UBQLN2: variants seen among roughly 807,000 people sequenced by gnomAD.
UBQLN2 encodes ubiquilin-2.
A neutral mutation model predicts 22.2 loss-of-function variants in UBQLN2; 2 were observed. The observed-to-expected ratio is 0.09, with a 90% confidence interval of 0.04 to 0.28. The LOEUF (loss-of-function observed/expected upper bound fraction) is 0.28. UBQLN2 is among the 10% of genes least tolerant of loss of function. UBQLN2 has a pLI of 1.00. For missense variants in UBQLN2, 446 were observed against 505.1 expected (o/e 0.88, Z 1.12); for synonymous variants, 252 against 206.7 (o/e 1.22, Z -1.88).
In UBQLN2 at chrX:56,565,974, C is replaced by G. The variant is rs1378539741; in HGVS notation, c.*226C>G. ...CTACCTTCCCTTCCTCTTGTCTCCC[C>G]ACTCCCTCCCTCTTTGTTTCCTTCC... On this transcript the variant is annotated 3_prime_UTR_variant, in exon 1 of 1. Coordinates refer to ENST00000338222, the MANE Select transcript of UBQLN2 (RefSeq NM_013444.4). 2.3e-6 allele frequency: 1 copy of G among 443,921 alleles called. No homozygotes were observed. Among genetic ancestry groups the G allele is most frequent in the Admixed American group, 4.1e-5 (1 of 24,668 alleles). 36.6% of individuals were successfully genotyped at this position (443,921 alleles called of 1,213,427 possible).
In UBQLN2 at chrX:56,564,706, C is replaced by T; in HGVS notation, c.833C>T (p.Pro278Leu). The change falls in exon 1 of 1, where the codon CCG becomes CTG. Residue 278 changes from proline (P) to leucine (L), a missense_variant. Coordinates refer to ENST00000338222, the MANE Select transcript of UBQLN2 (RefSeq NM_013444.4). Reference sequence around the variant, plus strand: ...CGCATGTACACTGACATTCAAGAGCCGATGCTGAATGCCGCACAAGAGCAG... The same window carrying T: ...CGCATGTACACTGACATTCAAGAGCTGATGCTGAATGCCGCACAAGAGCAG... ...LRRMYTDIQE[P>L]MLNAAQEQFG... The T allele has an allele frequency of 8.3e-7, 1 of 1,211,422 alleles. No individual in the cohort carries two copies. The highest frequency in any genetic ancestry group is 1.8e-5 in the South Asian group (1 of 56,929).
At position 56,564,876 on chromosome X, in the gene UBQLN2, A is replaced by G; in HGVS notation, c.1003A>G (p.Thr335Ala). ...CCAGAGTTCTGCAACTACCAGCACG[A>G]CCACAAGCACTGGTAGTGGGTCTGG... is the stretch of plus-strand genomic sequence containing the variant. ...ATQSSATTST[T>A]TSTGSGSGNS... Residue 335 changes from threonine (T) to alanine (A), a missense_variant, in exon 1 of 1, where the codon ACC (threonine) becomes GCC (alanine). Thr to Ala is a moderately conservative substitution (Grantham distance 58, BLOSUM62 0). Transcript: ENST00000338222. 1 of 1,211,084 alleles carries G rather than the reference A, an allele frequency of 8.3e-7. No homozygotes were observed. Among genetic ancestry groups the G allele is most frequent in the Admixed American group, 2.2e-5 (1 of 46,007 alleles).
rs1382898548 is a variant in UBQLN2, at chrX:56,566,117, T to C, written c.*369T>C. The stretch of plus-strand genomic sequence containing the variant: ...TTTATTCTGCATTTATTGTGATTTT[T>C]GGAAACAGGTATCAACCTTCACAGT... On this transcript the variant is annotated 3_prime_UTR_variant, in exon 1 of 1. Coordinates refer to ENST00000338222, the MANE Select transcript of UBQLN2 (RefSeq NM_013444.4). The C allele has an allele frequency of 4.1e-6, 1 of 243,546 alleles. No individual in the cohort carries two copies. The highest frequency in any genetic ancestry group is 6.5e-5 in the Admixed American group (1 of 15,391). The allele number at this position is 243,546 out of a possible 1,213,427, so 20.1% of individuals were successfully genotyped here.
rs768464567 is a variant in UBQLN2, at chrX:56,564,837, C to T, written c.964C>T (p.Pro322Ser). The T allele has an allele frequency of 7.4e-6, 9 of 1,211,352 alleles. No homozygotes were observed. The Admixed American group carries it at 1.7e-4, about 23-fold the overall frequency. The change falls in exon 1 of 1, where the codon CCA becomes TCA. Residue 322 changes from proline to serine, a missense_variant. Physicochemically the swap from Pro to Ser is moderately conservative, Grantham distance 74. Around this residue, in one of 3 missense-constraint regions of UBQLN2, gnomAD observed 278 missense variants for 279.4 expected, o/e 1.00. Coordinates refer to ENST00000338222, the MANE Select transcript of UBQLN2 (RefSeq NM_013444.4). The part of the protein sequence containing the change: ...NRDPLPNPWA[P>S]PPATQSSATT... ...CGATCCACTACCCAATCCATGGGCA[C>T]CACCGCCAGCTACCCAGAGTTCTGC...
chrX:56,565,478 G>A lies in UBQLN2; in HGVS notation c.1605G>A (p.Gly535=), dbSNP rs1008840560. Residue 535 remains glycine (G), a synonymous_variant, in exon 1 of 1, where the codon GGG becomes GGA. Transcript: ENST00000338222. ...CCACCGGCTCTGGTGGCCCCACGGG[G>A]CCTACTGTGTCCAGCGCTGCACCTA... ...PGSTGSGGPT[G]PTVSSAAPSE... 2 of 1,201,531 alleles carry A rather than the reference G, an allele frequency of 1.7e-6. No homozygotes were observed. Among genetic ancestry groups the A allele is most frequent in the African/African-American group, 3.5e-5 (2 of 57,209 alleles).
In UBQLN2 at chrX:56,565,797, C is replaced by A. The variant is rs1241279735; in HGVS notation, c.*49C>A. 5.8e-5 allele frequency: 61 copies of A among 1,056,618 alleles called. No individual in the cohort carries two copies. Among genetic ancestry groups the A allele is most frequent in the Non-Finnish European group, 7.9e-5 (61 of 771,472 alleles). The allele number at this position is 1,056,618 out of a possible 1,213,427, so 87.1% of individuals were successfully genotyped here. A position where few individuals can be genotyped will look rare whatever the true frequency, so the allele number is the denominator to read the frequency against. The stretch of plus-strand genomic sequence containing the variant: ...AAATGTATCTTATTTTTGATAATGG[C>A]TCTTAAATCTTTAAACACACACACA... On this transcript the variant is annotated 3_prime_UTR_variant, in exon 1 of 1. Coordinates refer to ENST00000338222, the MANE Select transcript of UBQLN2 (RefSeq NM_013444.4).
Position 56,565,612 on chromosome X carries a change from T to A in UBQLN2, c.1739T>A (p.Val580Asp). 2 of 1,211,899 alleles carry A rather than the reference T, an allele frequency of 1.7e-6. No individual in the cohort carries two copies. Among genetic ancestry groups the A allele is most frequent in the Non-Finnish European group, 2.2e-6 (2 of 895,527 alleles). ...GCTCCACAGCTGCCGAATCCAGAAG[T>A]CAGATTTCAGCAACAACTGGAACAG... is the stretch of plus-strand genomic sequence containing the variant. ...ANAPQLPNPE[V>D]RFQQQLEQLN... is the part of the protein sequence containing the mutation. The change falls in exon 1 of 1, where the codon GTC becomes GAC. Residue 580 changes from valine to aspartate, a missense_variant. Physicochemically the swap from Val to Asp is radical, Grantham distance 152. Coordinates refer to ENST00000338222, the MANE Select transcript of UBQLN2 (RefSeq NM_013444.4).
chrX:56,564,538 G>A lies in UBQLN2; in HGVS notation c.665G>A (p.Ser222Asn). 2 of 1,211,880 alleles carry A rather than the reference G, an allele frequency of 1.7e-6. No individual in the cohort carries two copies. The highest frequency in any genetic ancestry group is 2.2e-6 in the Non-Finnish European group (2 of 895,549). Residue 222 changes from serine (S) to asparagine (N), a missense_variant, in exon 1 of 1, where the codon AGT becomes AAT. Around this residue, in one of 3 missense-constraint regions of UBQLN2, gnomAD observed 129 missense variants for 198.1 expected, o/e 0.65. Coordinates refer to ENST00000338222, the MANE Select transcript of UBQLN2 (RefSeq NM_013444.4). ...QQLIQRNPEI[S>N]HLLNNPDIMR... ...TTGATTCAGAGAAACCCAGAAATCA[G>A]TCACCTGCTCAACAACCCAGACATA...
rs775787482 is a variant in UBQLN2, at chrX:56,565,776, GTA to G, written c.*30_*31del. The G allele has an allele frequency of 3.5e-6, 4 of 1,148,287 alleles. No individual in the cohort carries two copies. Among genetic ancestry groups the G allele is most frequent in the South Asian group, 1.9e-5 (1 of 53,192 alleles). 94.6% of individuals were successfully genotyped at this position (1,148,287 alleles called of 1,213,427 possible). A position where few individuals can be genotyped will look rare whatever the true frequency, so the allele number is the denominator to read the frequency against. ...ACATTTCTGTACCTGGAAAAAAAAT[GTA>G]TCTTATTTTTGATAATGGCTCTTAA... On this transcript the variant is annotated 3_prime_UTR_variant, in exon 1 of 1. Coordinates refer to ENST00000338222, the MANE Select transcript of UBQLN2 (RefSeq NM_013444.4).
At position 56,565,191 on chromosome X, in the gene UBQLN2, C is replaced by T. The variant is rs763761196; in HGVS notation, c.1318C>T (p.Pro440Ser). 1.3e-5 allele frequency: 16 copies of T among 1,211,904 alleles called. No homozygotes were observed. The highest frequency in any genetic ancestry group is 1.8e-5 in the Non-Finnish European group (16 of 895,375). ...AGCCTTCCTGCAGCAGATGCAGAAT[C>T]CAGACACACTATCAGCCATGTCAAA... ...LPAFLQQMQN[P>S]DTLSAMSNPR... is the part of the protein sequence containing the mutation. The change falls in exon 1 of 1, where the codon CCA (proline) becomes TCA (serine). Residue 440 changes from proline (P) to serine (S), a missense_variant. Pro to Ser is a moderately conservative substitution (Grantham distance 74). This residue lies in a region of UBQLN2 where 278 missense variants were observed against 279.4 expected (regional missense o/e 1.00). Transcript: ENST00000338222.
rs2068635623 is a variant in UBQLN2, at chrX:56,565,316, G to T, written c.1443G>T (p.Gly481=). The T allele has an allele frequency of 1.7e-6, 2 of 1,211,162 alleles. No homozygotes were observed. The highest frequency in any genetic ancestry group is 2.2e-6 in the Non-Finnish European group (2 of 895,001). ...TTCCGAGCTTCACTCCAGGTGTGGGGGTGGGGGTGCTGGGAACCGCTATAG... is the reference window on the plus strand; with the variant it reads ...TTCCGAGCTTCACTCCAGGTGTGGGTGTGGGGGTGCTGGGAACCGCTATAG... ...GLIPSFTPGV[G]VGVLGTAIGP... is the part of the protein sequence containing the mutation. Residue 481 remains glycine (G), a synonymous_variant, in exon 1 of 1, where the codon GGG becomes GGT. Transcript: ENST00000338222.
In UBQLN2 at chrX:56,566,145, G is replaced by A. The variant is rs758678760; in HGVS notation, c.*397G>A. The A allele has an allele frequency of 1.8e-4, 37 of 208,250 alleles. No individual in the cohort carries two copies. The highest frequency in any genetic ancestry group is 1.4e-3 in the South Asian group (15 of 10,445). The allele number at this position is 208,250 out of a possible 1,213,427, so 17.2% of individuals were successfully genotyped here. On this transcript the variant is annotated 3_prime_UTR_variant, in exon 1 of 1. Transcript: ENST00000338222. The stretch of plus-strand genomic sequence containing the variant: ...AAACAGGTATCAACCTTCACAGTTG[G>A]GTGAACAAGTGTTGTCCTACAGATG...
chrX:56,564,206 G>A lies in UBQLN2; in HGVS notation c.333G>A (p.Gln111=). The stretch of plus-strand genomic sequence containing the variant: ...AAAGCCAGAACCGACCTCAGGGCCA[G>A]TCCACGCAGCCTAGCAATGCCGCGG... ...VIKSQNRPQG[Q]STQPSNAAGT... The change falls in exon 1 of 1, where the codon CAG becomes CAA. Residue 111 remains glutamine (Q), a synonymous_variant. Coordinates refer to ENST00000338222, the MANE Select transcript of UBQLN2 (RefSeq NM_013444.4). 8 of 1,211,724 alleles carry A rather than the reference G, an allele frequency of 6.6e-6. No homozygotes were observed. Among genetic ancestry groups the A allele is most frequent in the Non-Finnish European group, 8.9e-6 (8 of 895,328 alleles).
Position 56,567,414 on chromosome X carries a change from G to C in UBQLN2, c.*1666G>C, listed in dbSNP as rs951598485. The C allele has an allele frequency of 1.6e-5, 2 of 123,036 alleles. No individual in the cohort carries two copies. Among genetic ancestry groups the C allele is most frequent in the Non-Finnish European group, 3.8e-5 (2 of 53,133 alleles). The allele number at this position is 123,036 out of a possible 1,213,427, so 10.1% of individuals were successfully genotyped here. On this transcript the variant is annotated 3_prime_UTR_variant, in exon 1 of 1. Coordinates refer to ENST00000338222, the MANE Select transcript of UBQLN2 (RefSeq NM_013444.4). The stretch of plus-strand genomic sequence containing the variant: ...TCCCCCAAAAATATATTGAGAATTT[G>C]GTTGGGATTCTCTTAAATTGATATG...
In UBQLN2 at chrX:56,564,307, T is replaced by G; in HGVS notation, c.434T>G (p.Leu145Trp). The G allele has an allele frequency of 8.3e-7, 1 of 1,211,181 alleles. No homozygotes were observed. Among genetic ancestry groups the G allele is most frequent in the Non-Finnish European group, 1.1e-6 (1 of 895,283 alleles). The change falls in exon 1 of 1, where the codon TTG (leucine) becomes TGG (tryptophan). Residue 145 changes from leucine to tryptophan, a missense_variant. Leu to Trp is a moderately conservative substitution (Grantham distance 61). Around this residue, in one of 3 missense-constraint regions of UBQLN2, gnomAD observed 129 missense variants for 198.1 expected, o/e 0.65. Coordinates refer to ENST00000338222, the MANE Select transcript of UBQLN2 (RefSeq NM_013444.4). ...PISTNSNPFG[L>W]GSLGGLAGLS... is the part of the protein sequence containing the mutation. ...TCCACAAATAGCAACCCGTTTGGGT[T>G]GGGGAGCCTGGGAGGACTTGCAGGC... is the stretch of plus-strand genomic sequence containing the variant.
chrX:56,566,785 T>G lies in UBQLN2; in HGVS notation c.*1037T>G, dbSNP rs2068644944. 1 of 123,176 alleles carries G rather than the reference T, an allele frequency of 8.1e-6. No individual in the cohort carries two copies. The highest frequency in any genetic ancestry group is 1.9e-5 in the Non-Finnish European group (1 of 53,172). The allele number at this position is 123,176 out of a possible 1,213,427, so 10.2% of individuals were successfully genotyped here. ...CCTAATATGCATTTTGATTTGTAAT[T>G]GGAAATGTAACTTTCACTGAAAGTG... On this transcript the variant is annotated 3_prime_UTR_variant, in exon 1 of 1. Coordinates refer to ENST00000338222, the MANE Select transcript of UBQLN2 (RefSeq NM_013444.4).
At position 56,563,745 on chromosome X, in the gene UBQLN2, C is replaced by G. The variant is rs956470703; in HGVS notation, c.-129C>G. 24 of 488,876 alleles carry G rather than the reference C, an allele frequency of 4.9e-5. No individual in the cohort carries two copies. The highest frequency in any genetic ancestry group is 2.2e-4 in the East Asian group (6 of 27,016). The allele number at this position is 488,876 out of a possible 1,213,427, so 40.3% of individuals were successfully genotyped here. Reference sequence around the variant, plus strand: ...ACCGCAGTCTTCATCACAGAGGTACCGTGCTCCGCGCTCCCCGCCTGACCC... The same window carrying G: ...ACCGCAGTCTTCATCACAGAGGTACGGTGCTCCGCGCTCCCCGCCTGACCC... On this transcript the variant is annotated 5_prime_UTR_variant, in exon 1 of 1. Coordinates refer to ENST00000338222, the MANE Select transcript of UBQLN2 (RefSeq NM_013444.4).
rs1354378172 is a variant in UBQLN2, at chrX:56,566,881, T to C, written c.*1133T>C. On this transcript the variant is annotated 3_prime_UTR_variant, in exon 1 of 1. Coordinates refer to ENST00000338222, the MANE Select transcript of UBQLN2 (RefSeq NM_013444.4). ...GTGTGTCTTTTGACTTCATCAGTTA[T>C]TTCTCTTGTGCACAGAGAAAAATGC... The C allele has an allele frequency of 1.6e-5, 2 of 123,079 alleles. No homozygotes were observed. Among genetic ancestry groups the C allele is most frequent in the Admixed American group, 1.9e-4 (2 of 10,580 alleles). 10.1% of individuals were successfully genotyped at this position (123,079 alleles called of 1,213,427 possible).
rs1305554300 is a variant in UBQLN2, at chrX:56,566,821, T to A, written c.*1073T>A. On this transcript the variant is annotated 3_prime_UTR_variant, in exon 1 of 1. Transcript: ENST00000338222. The stretch of plus-strand genomic sequence containing the variant: ...CTTTCACTGAAAGTGTCATGTGATG[T>A]TTGCATTACTTTTAACTGCTATGTA... The A allele has an allele frequency of 8.1e-6, 1 of 123,363 alleles. No individual in the cohort carries two copies. The highest frequency in any genetic ancestry group is 1.9e-5 in the Non-Finnish European group (1 of 53,213). The allele number at this position is 123,363 out of a possible 1,213,427, so 10.2% of individuals were successfully genotyped here. A position where few individuals can be genotyped will look rare whatever the true frequency, so the allele number is the denominator to read the frequency against.
Sources: allele counts gnomAD v4.1 joint callset, GRCh38; gene constraint gnomAD v4.1.1; regional missense constraint gnomAD v4.1.1; transcripts MANE v1.5; gene names NCBI Gene and HGNC (gene_info 2026-07-23, HGNC 2026-07-21).